Variants in GREB1L observed in about 807,000 individuals in gnomAD.
GREB1L encodes the protein GREB1-like protein.
GREB1L carries 17 observed loss-of-function variants against 200.8 expected under a neutral mutation model. The observed-to-expected ratio is 0.08, with a 90% CI of 0.06 to 0.13. The LOEUF (loss-of-function observed/expected upper bound fraction) is 0.13. GREB1L is among the 10% of genes least tolerant of loss of function. The probability of loss-of-function intolerance (pLI) is 1.00; values close to 1 mark genes in which losing one functional copy is unlikely to be tolerated. For synonymous variants in GREB1L, 789 were observed against 893.0 expected (o/e 0.88, Z 2.08); for missense variants, 1,657 against 2,367.7 (o/e 0.70, Z 6.23).
At chr18:21,292,672 C>T (rs978120518) in intron 1 of GREB1L, among the ~76,000 whole-genome samples, 3 of 152,190 alleles carry the variant, frequency 2.0e-5, no homozygotes, top group African/African-American at 7.2e-5. Context: ...TCCATGTAAG[C>T]ATGTATCAGT....
chr18:21,404,564 T>G (rs1278364443), intron 7 of GREB1L, among the ~76,000 whole-genome samples: 1 of 152,166 alleles, frequency 6.6e-6, no homozygotes, highest in African/African-American at 2.4e-5. Flanking sequence ...GAATGACTGA[T>G]CCTACTGAGC....
intron 1 of GREB1L, among the ~76,000 whole-genome samples, chr18:21,361,721 TA>T (rs796247243): frequency 0.011 from 1,622 of 143,578 alleles, 89 homozygotes; most frequent in Admixed American, 0.099. Context: ...AAGGGGCCCT[TA>T]AAAAAAAAAA....
intron 1 of GREB1L, among the ~76,000 whole-genome samples, chr18:21,249,753 G>GGCA (rs1389944092): frequency 6.6e-6 from 1 of 152,054 alleles, no homozygotes; most frequent in Non-Finnish European, 1.5e-5. Flanking sequence ...CCAGCTACTT[G>GGCA]GGAGGCTGAG....
chr18:21,269,682 G>T (rs2038047803), intron 1 of GREB1L, among the ~76,000 whole-genome samples: 1 of 152,118 alleles, frequency 6.6e-6, no homozygotes, highest in African/African-American at 2.4e-5. Flanking sequence ...AAAAAGGATT[G>T]TTTAAGCATA....
intron 1 of GREB1L, among the ~76,000 whole-genome samples, chr18:21,292,374 G>A (rs903944405): frequency 9.9e-5 from 15 of 152,140 alleles, no homozygotes; most frequent in African/African-American, 2.9e-4. Flanking sequence ...CATAATTCAC[G>A]TACCATAAAA....
intron 1 of GREB1L, among the ~76,000 whole-genome samples, chr18:21,364,408 C>G (rs2039629225): frequency 6.6e-6 from 1 of 151,748 alleles, no homozygotes; most frequent in Admixed American, 6.6e-5. Flanking sequence ...AAAGTCCCTC[C>G]TGTGAAAGAC....
chr18:21,259,353 A>G (rs1407056311), intron 1 of GREB1L, among the ~76,000 whole-genome samples: 1 of 152,186 alleles, frequency 6.6e-6, no homozygotes, highest in Non-Finnish European at 1.5e-5. Flanking sequence ...CAGTGGGGAT[A>G]ATAGAATACA....
At chr18:21,288,934 C>T (rs2038402357) in intron 1 of GREB1L, among the ~76,000 whole-genome samples, 1 of 152,034 alleles carries the variant, frequency 6.6e-6, no homozygotes, top group African/African-American at 2.4e-5. Flanking sequence ...GACAGGGTTT[C>T]ACCATGTTGG....
At chr18:21,459,573 C>T (rs147032125) in intron 15 of GREB1L, among the ~76,000 whole-genome samples, 94 of 152,052 alleles carry the variant, frequency 6.2e-4, no homozygotes, top group African/African-American at 2.2e-3. Flanking sequence ...AGGAGTGAGC[C>T]ACCGCGCATG....
intron 5 of GREB1L, among the ~76,000 whole-genome samples, chr18:21,396,734 A>C (rs1483805109): frequency 1.3e-5 from 2 of 152,216 alleles, no homozygotes; most frequent in African/African-American, 4.8e-5. Flanking sequence ...TTTATCTAGA[A>C]TTATTTTACT....
At chr18:21,336,918 C>A (rs2039194341) in intron 1 of GREB1L, among the ~76,000 whole-genome samples, 2 of 152,202 alleles carry the variant, frequency 1.3e-5, no homozygotes, top group South Asian at 4.1e-4. Flanking sequence ...CTTCTCCTTT[C>A]TGGTTTATCC....
At position 21,516,305 on chromosome 18, in the gene GREB1L, T is replaced by G. The variant is rs117937551; in HGVS notation, c.5130-308T>G. On this transcript the variant is annotated intron_variant, in intron 29 of 32. Transcript: ENST00000424526. Reference sequence around the variant, plus strand: ...CTGCTTGTAGCCAGAAATTTAAAACTGGGAGCACCTCTGCATTCCTGTTTT... The same window carrying G: ...CTGCTTGTAGCCAGAAATTTAAAACGGGGAGCACCTCTGCATTCCTGTTTT... 2.0e-5 allele frequency among the ~76,000 whole-genome samples: 3 copies of G among 152,360 alleles called. No homozygotes were observed. The East Asian group carries it at 5.8e-4, about 29-fold the overall frequency.
chr18:21,455,895 G>GTTTTTT (rs2034738892), intron 15 of GREB1L, among the ~76,000 whole-genome samples: 1 of 130,072 alleles, frequency 7.7e-6, no homozygotes, highest in Non-Finnish European at 1.7e-5. Flanking sequence ...TTCTGCATTT[G>GTTTTTT]CTTTTTTTTT....
chr18:21,508,348 T>C (rs1408228852), intron 26 of GREB1L, 39 bp from the exon 27 acceptor site: 1 of 1,549,936 alleles, frequency 6.5e-7, no homozygotes, highest in South Asian at 1.2e-5. Flanking sequence ...CTAGAGGCTT[T>C]AATTTCCCTT....
chr18:21,247,571 G>A (rs915888946), intron 1 of GREB1L, among the ~76,000 whole-genome samples: 8 of 152,010 alleles, frequency 5.3e-5, no homozygotes, highest in Non-Finnish European at 7.4e-5. Context: ...TGCTTGTTAC[G>A]GCTCTTCCAA....
At chr18:21,343,319 A>G (rs185215129) in intron 1 of GREB1L, among the ~76,000 whole-genome samples, 1 of 152,368 alleles carries the variant, frequency 6.6e-6, no homozygotes, top group Admixed American at 6.5e-5. Flanking sequence ...TCAAAGCAAT[A>G]AATATAAAAT....
rs1051629596 is a variant in GREB1L at position 21,390,686 on chromosome 18, A to G, written c.356-4699A>G. On this transcript the variant is annotated intron_variant, in intron 4 of 32. Transcript: ENST00000424526. ...TGAGTAGCTGGGACTACAGGCGCCC[A>G]CCACCATGCCCAGCTAATTTTTGTA... is the stretch of plus-strand genomic sequence containing the variant. Among the ~76,000 whole-genome samples the G allele has an allele frequency of 7.9e-5, 12 of 151,986 alleles. 1 individual carries two copies. Among genetic ancestry groups the G allele is most frequent in the Non-Finnish European group, 1.8e-4 (12 of 67,992 alleles).
chr18:21,348,069 C>T (rs369465380), intron 1 of GREB1L, among the ~76,000 whole-genome samples: 2 of 151,232 alleles, frequency 1.3e-5, no homozygotes, highest in Non-Finnish European at 2.9e-5. Flanking sequence ...CTCAGCCTCC[C>T]GAGTAGCTGG....
rs368472858 is a variant in GREB1L at position 21,457,156 on chromosome 18, A to G, written c.2182+2593A>G. 7.9e-5 allele frequency among the ~76,000 whole-genome samples: 12 copies of G among 152,236 alleles called. No individual in the cohort carries two copies. In the East Asian group the frequency reaches 2.3e-3, roughly 29 times the overall value. ...CCTTACATTTTTGACAGATGAATAA[A>G]TTGTGCAGGTTTTTTCCTTTCTCTT... On this transcript the variant is annotated intron_variant, in intron 15 of 32. Coordinates refer to ENST00000424526, the MANE Select transcript of GREB1L (RefSeq NM_001142966.3).
Sources: gnomAD v4.1 joint callset for allele counts (sites outside exome capture counted in the v4.1 genomes callset) on GRCh38, gnomAD v4.1.1 for gene constraint, MANE v1.5 for transcripts, NCBI Gene and HGNC (gene_info 2026-07-23, HGNC 2026-07-21) for gene names.